The following MACROD2 variants were observed in gnomAD, a reference collection of about 807,000 sequenced individuals.
MACROD2 encodes mono-ADP ribosylhydrolase 2.
A neutral mutation model predicts 70.4 loss-of-function variants in MACROD2; 36 were observed. That is an observed-to-expected ratio of 0.51 (90% CI 0.39 to 0.68). The LOEUF (loss-of-function observed/expected upper bound fraction) is 0.68, where lower values mean the gene tolerates loss of function less well. Among genes scored for constraint, MACROD2 ranks in the 30% least tolerant of loss-of-function variants. The probability of loss-of-function intolerance (pLI) is 0.00; values close to 1 mark genes in which losing one functional copy is unlikely to be tolerated. For missense variants in MACROD2, 496 were observed against 538.4 expected (o/e 0.92, Z 0.78); for synonymous variants, 172 against 178.8 (o/e 0.96, Z 0.30).
chr20:15,140,611 A>T (rs554676633), intron 5 of MACROD2, among the ~76,000 whole-genome samples: 1 of 152,230 alleles, frequency 6.6e-6, no homozygotes, highest in African/African-American at 2.4e-5. Flanking sequence ...CTGTAGTAAA[A>T]TATGTTTTGT....
At chr20:14,177,830 C>T (rs2081275162) in intron 3 of MACROD2, among the ~76,000 whole-genome samples, 1 of 151,982 alleles carries the variant, frequency 6.6e-6, no homozygotes, top group African/African-American at 2.4e-5. Context: ...TATTTTATAC[C>T]ATGTCTTATA....
At chr20:14,177,218 T>C (rs2038674) in intron 3 of MACROD2, among the ~76,000 whole-genome samples, 146,665 of 151,952 alleles carry the variant, frequency 0.97, 70,805 homozygotes, top group Middle Eastern at 0.99. Flanking sequence ...TAACAAAAGT[T>C]AGGAAAAGGC....
intron 4 of MACROD2, among the ~76,000 whole-genome samples, chr20:14,576,250 G>C (rs200600550): frequency 1.3e-5 from 2 of 152,136 alleles, no homozygotes; most frequent in East Asian, 3.9e-4. Context: ...GAAGACTCAG[G>C]CCCAGGTTTT....
chr20:14,937,556 A>T (rs893507970), intron 5 of MACROD2, among the ~76,000 whole-genome samples: 1 of 152,030 alleles, frequency 6.6e-6, no homozygotes, highest in African/African-American at 2.4e-5. Flanking sequence ...AATAATAATG[A>T]GGTATATTTA....
At chr20:14,569,810 T>C (rs575884007) in intron 4 of MACROD2, among the ~76,000 whole-genome samples, 1 of 151,752 alleles carries the variant, frequency 6.6e-6, no homozygotes, top group South Asian at 2.1e-4. Context: ...ATTTGGATCC[T>C]AAGGGAAAAA....
chr20:15,818,359 C>T (rs1471475873), intron 8 of MACROD2, among the ~76,000 whole-genome samples: 5 of 152,124 alleles, frequency 3.3e-5, no homozygotes, highest in Non-Finnish European at 5.9e-5. Flanking sequence ...TGGGCAATTC[C>T]CAGAACCGAG....
chr20:14,954,554 A>G (rs1289172595), intron 5 of MACROD2, among the ~76,000 whole-genome samples: 1 of 139,210 alleles, frequency 7.2e-6, no homozygotes, highest in Non-Finnish European at 1.5e-5. Flanking sequence ...AATTATAAAT[A>G]AATTATAAAT....
intron 4 of MACROD2, among the ~76,000 whole-genome samples, chr20:14,541,471 A>G (rs905589559): frequency 6.6e-6 from 1 of 152,140 alleles, no homozygotes; most frequent in Non-Finnish European, 1.5e-5. Context: ...TTATAATTAC[A>G]AGGCATATTA....
chr20:14,868,815 G>T (rs988760546), intron 5 of MACROD2, among the ~76,000 whole-genome samples: 1 of 152,078 alleles, frequency 6.6e-6, no homozygotes, highest in Non-Finnish European at 1.5e-5. Flanking sequence ...GTCGAAAGTG[G>T]GTGCAGAATG....
chr20:15,528,352 C>T lies in MACROD2; in HGVS notation c.645+28505C>T, dbSNP rs573313434. Among the ~76,000 whole-genome samples, 4 of 152,342 alleles carry T rather than the reference C, an allele frequency of 2.6e-5. No individual in the cohort carries two copies. In the East Asian group the frequency reaches 7.7e-4, roughly 29 times the overall value. ...GTTTCACCATATTGGTCAGGCTCCTCTTGAACTCCTGACCTGCCTTGGCCT... is the reference window on the plus strand; with the variant it reads ...GTTTCACCATATTGGTCAGGCTCCTTTTGAACTCCTGACCTGCCTTGGCCT... On this transcript the variant is annotated intron_variant, in intron 8 of 17. Coordinates refer to ENST00000684519, the MANE Select transcript of MACROD2 (RefSeq NM_001351661.2).
chr20:15,719,507 T>C (rs977667641), intron 8 of MACROD2, among the ~76,000 whole-genome samples: 1 of 152,176 alleles, frequency 6.6e-6, no homozygotes, highest in Non-Finnish European at 1.5e-5. Context: ...TCCAAAAGCT[T>C]GTTTTGAATC....
chr20:15,354,614 A>T (rs1461494255), intron 6 of MACROD2, among the ~76,000 whole-genome samples: 1 of 152,174 alleles, frequency 6.6e-6, no homozygotes, highest in African/African-American at 2.4e-5. Flanking sequence ...CGGCCCAGTA[A>T]TCCCACTCCT....
chr20:15,550,550 T>C (rs1258631183), intron 8 of MACROD2, among the ~76,000 whole-genome samples: 1 of 152,120 alleles, frequency 6.6e-6, no homozygotes, highest in Non-Finnish European at 1.5e-5. Context: ...GTATCACTTT[T>C]TTATTCCATA....
intron 4 of MACROD2, among the ~76,000 whole-genome samples, chr20:14,580,775 A>G (rs1980963007): frequency 6.6e-6 from 1 of 152,222 alleles, no homozygotes; most frequent in Non-Finnish European, 1.5e-5. Flanking sequence ...ACTTCAGTAG[A>G]CATATGTTCT....
In MACROD2 at chr20:14,567,430, G is replaced by A. The variant is rs1307407580; in HGVS notation, c.301+73922G>A. 9.9e-5 allele frequency among the ~76,000 whole-genome samples: 15 copies of A among 152,160 alleles called. 1 individual carries two copies. In the South Asian group the frequency reaches 1.4e-3, roughly 15 times the overall value. ...ACAAGTTATAGATTTATGTTGGCTT[G>A]TGTGCATGCGTGTGCCCTGCTATAG... On this transcript the variant is annotated intron_variant, in intron 4 of 17. Coordinates refer to ENST00000684519, the MANE Select transcript of MACROD2 (RefSeq NM_001351661.2).
intron 8 of MACROD2, among the ~76,000 whole-genome samples, chr20:15,842,017 A>C (rs2064176265): frequency 6.6e-6 from 1 of 152,116 alleles, no homozygotes; most frequent in Admixed American, 6.6e-5. Context: ...CTTGGTTGGA[A>C]GAGGAGGTTG....
intron 8 of MACROD2, among the ~76,000 whole-genome samples, chr20:15,831,137 C>T (rs2064051684): frequency 6.6e-6 from 1 of 152,168 alleles, no homozygotes; most frequent in Non-Finnish European, 1.5e-5. Flanking sequence ...CCCTGGATTT[C>T]AATGACAGTG....
At chr20:15,758,519 C>T (rs913428967) in intron 8 of MACROD2, among the ~76,000 whole-genome samples, 2 of 150,270 alleles carry the variant, frequency 1.3e-5, no homozygotes, top group African/African-American at 4.9e-5. Context: ...GGATTACAGG[C>T]GTGAGTCACT....
chr20:14,114,367 T>G (rs1219007190), intron 3 of MACROD2, among the ~76,000 whole-genome samples: 2 of 152,138 alleles, frequency 1.3e-5, no homozygotes. Flanking sequence ...TTATAGTGCA[T>G]AGAAAGTTAA....
Sources: allele counts gnomAD v4.1 joint callset (sites outside exome capture counted in the v4.1 genomes callset), GRCh38; gene constraint gnomAD v4.1.1; transcripts MANE v1.5; gene names NCBI Gene and HGNC (gene_info 2026-07-23, HGNC 2026-07-21).